MACROD2: variants seen among roughly 807,000 people sequenced by gnomAD.
MACROD2 encodes the protein ADP-ribose glycohydrolase MACROD2.
In MACROD2, 36 loss-of-function variants were observed where a neutral mutation model predicts 70.4. That is an observed-to-expected ratio of 0.51 (90% CI 0.39 to 0.68). MACROD2 has a LOEUF of 0.68. Ranked by LOEUF, MACROD2 falls within the 30% of genes least tolerant of loss-of-function variation. The probability of loss-of-function intolerance (pLI) is 0.00; values close to 1 mark genes in which losing one functional copy is unlikely to be tolerated. For missense variants in MACROD2, 496 were observed against 538.4 expected (o/e 0.92, Z 0.78); for synonymous variants, 172 against 178.8 (o/e 0.96, Z 0.30).
intron 6 of MACROD2, among the ~76,000 whole-genome samples, chr20:15,291,937 C>T (rs1241908334): frequency 6.6e-6 from 1 of 152,174 alleles, no homozygotes; most frequent in Non-Finnish European, 1.5e-5. Flanking sequence ...CAAACAGAAT[C>T]ACAGGAAGGT....
Position 15,083,155 on chromosome 20 carries a change from G to A in MACROD2, c.419-146785G>A, listed in dbSNP as rs549455888. Among the ~76,000 whole-genome samples the A allele has an allele frequency of 3.3e-5, 5 of 152,274 alleles. No individual in the cohort carries two copies. In the South Asian group the frequency reaches 6.2e-4, roughly 19 times the overall value. ...TCCTTGTGGGTTTCTGACAAAGGTC[G>A]TGGTCTGTGGTCCCTCTCCACACCT... On this transcript the variant is annotated intron_variant, in intron 5 of 17. Transcript: ENST00000684519.
chr20:15,145,866 G>C (rs942957943), intron 5 of MACROD2, among the ~76,000 whole-genome samples: 7 of 151,966 alleles, frequency 4.6e-5, no homozygotes, highest in Admixed American at 2.6e-4. Context: ...AAAAATTGAA[G>C]AAACACCACC....
At chr20:14,961,630 C>T (rs932770269) in intron 5 of MACROD2, among the ~76,000 whole-genome samples, 8 of 151,850 alleles carry the variant, frequency 5.3e-5, no homozygotes, top group South Asian at 4.2e-4. Flanking sequence ...TGGGCTCAAA[C>T]GATATCGCCC....
chr20:14,981,437 T>TAC (rs1398442823), intron 5 of MACROD2, among the ~76,000 whole-genome samples: 2 of 58,908 alleles, frequency 3.4e-5, no homozygotes, highest in South Asian at 1.4e-3. Context: ...TATATGTATA[T>TAC]ATATATATAT....
intron 7 of MACROD2, among the ~76,000 whole-genome samples, chr20:15,444,256 A>G (rs2046533155): frequency 6.6e-6 from 1 of 152,158 alleles, no homozygotes; most frequent in Non-Finnish European, 1.5e-5. Context: ...ATCTCTTTTT[A>G]TTAGTGTTCC....
intron 3 of MACROD2, among the ~76,000 whole-genome samples, chr20:14,201,300 G>A (rs1026826566): frequency 6.6e-6 from 1 of 152,138 alleles, no homozygotes. Context: ...TATGCAATCA[G>A]CTTCTTAAAT....
At position 14,326,125 on chromosome 20, in the gene MACROD2, C is replaced by T. The variant is rs147588771; in HGVS notation, c.272-167354C>T. ...CAGGGCTGTGACCAAGTACTCACTG[C>T]GTTCCCCTGTTACAATTGTTTCTGT... On this transcript the variant is annotated intron_variant, in intron 3 of 17. Coordinates refer to ENST00000684519, the MANE Select transcript of MACROD2 (RefSeq NM_001351661.2). The surrounding 1 kb of genome is among the most constrained non-coding windows in gnomAD (Gnocchi z 5.5). 4.6e-5 allele frequency: 75 copies of T among 1,613,704 alleles called. No homozygotes were observed. The highest frequency in any genetic ancestry group is 6.7e-5 in the African/African-American group (5 of 74,908).
chr20:15,989,819 A>G (rs1272249725), intron 15 of MACROD2, among the ~76,000 whole-genome samples: 3 of 59,464 alleles, frequency 5.0e-5, no homozygotes, highest in African/African-American at 2.0e-4. Flanking sequence ...GGAGGCAGAA[A>G]GTGATTCCTT....
intron 8 of MACROD2, among the ~76,000 whole-genome samples, chr20:15,644,367 T>C (rs1479896846): frequency 6.6e-6 from 1 of 152,156 alleles, no homozygotes; most frequent in East Asian, 1.9e-4. Flanking sequence ...TGAAGCTTCT[T>C]TCTTCATAGT....
At chr20:15,095,068 T>A (rs2075820021) in intron 5 of MACROD2, among the ~76,000 whole-genome samples, 10 of 8,828 alleles carry the variant, frequency 1.1e-3, no homozygotes, top group Non-Finnish European at 4.3e-3. Context: ...CCTCTTCTTT[T>A]TTTTTTTTTT....
chr20:15,618,886 G>A (rs200752), intron 8 of MACROD2, among the ~76,000 whole-genome samples: 15,500 of 152,224 alleles, frequency 0.1, 870 homozygotes, highest in Non-Finnish European at 0.11. Context: ...AATCAGTTTT[G>A]CCCAAGCATT....
In MACROD2 at chr20:15,151,942, A is replaced by G. The variant is rs1290542724; in HGVS notation, c.419-77998A>G. Reference sequence around the variant, plus strand: ...GGTCAGATGGGTCTGTAGAAGAGGAAGATTAGAAAGACTCAGCGACGCTTG... The same window carrying G: ...GGTCAGATGGGTCTGTAGAAGAGGAGGATTAGAAAGACTCAGCGACGCTTG... On this transcript the variant is annotated intron_variant, in intron 5 of 17. Coordinates refer to ENST00000684519, the MANE Select transcript of MACROD2 (RefSeq NM_001351661.2). Among the ~76,000 whole-genome samples the G allele has an allele frequency of 2.0e-5, 3 of 151,838 alleles. 1 individual carries two copies.
intron 5 of MACROD2, among the ~76,000 whole-genome samples, chr20:15,201,556 C>T (rs1416371388): frequency 6.6e-6 from 1 of 152,092 alleles, no homozygotes; most frequent in Non-Finnish European, 1.5e-5. Context: ...TGAATACTGC[C>T]CAAGACCACA....
chr20:14,600,837 A>G (rs2123403650), intron 4 of MACROD2, among the ~76,000 whole-genome samples: 1 of 152,288 alleles, frequency 6.6e-6, no homozygotes, highest in Non-Finnish European at 1.5e-5. Flanking sequence ...CAGCCCAGGT[A>G]TACTGTCTTT....
At chr20:15,006,129 T>TTATATA (rs1206706409) in intron 5 of MACROD2, among the ~76,000 whole-genome samples, 10 of 139,028 alleles carry the variant, frequency 7.2e-5, no homozygotes, top group African/African-American at 2.5e-4. Flanking sequence ...AGAATGCATT[T>TTATATA]TATATATATA....
chr20:15,250,342 T>C (rs2077144445), intron 6 of MACROD2, among the ~76,000 whole-genome samples: 1 of 152,194 alleles, frequency 6.6e-6, no homozygotes, highest in African/African-American at 2.4e-5. Context: ...ATACCCCCAC[T>C]GGTGATGTAC....
At chr20:14,123,725 A>C (rs1256517882) in intron 3 of MACROD2, among the ~76,000 whole-genome samples, 1 of 152,142 alleles carries the variant, frequency 6.6e-6, no homozygotes, top group East Asian at 1.9e-4. Context: ...GATGAATGTC[A>C]GTGGTTTCTG....
intron 5 of MACROD2, among the ~76,000 whole-genome samples, chr20:14,786,185 T>A (rs562156745): frequency 7.6e-6 from 1 of 131,410 alleles, no homozygotes; most frequent in East Asian, 2.2e-4. Flanking sequence ...TGATAGTGTT[T>A]GGTTCACTCA....
At chr20:15,538,757 A>G (rs1388287271) in intron 8 of MACROD2, among the ~76,000 whole-genome samples, 3 of 152,200 alleles carry the variant, frequency 2.0e-5, no homozygotes, top group African/African-American at 7.2e-5. Context: ...TTTGTAAAGA[A>G]ATGCTGAAGA....
Sources: allele counts gnomAD v4.1 joint callset (sites outside exome capture counted in the v4.1 genomes callset), GRCh38; gene constraint gnomAD v4.1.1; non-coding constraint Gnocchi (gnomAD v3.1); transcripts MANE v1.5; gene names NCBI Gene and HGNC (gene_info 2026-07-23, HGNC 2026-07-21).